The following COL19A1 variants were observed in gnomAD, a reference collection of about 807,000 sequenced individuals.
COL19A1 encodes collagen type XIX alpha 1 chain, also known as collagen alpha-1(XIX) chain.
A neutral mutation model predicts 190.2 loss-of-function variants in COL19A1; 159 were observed. That is an observed-to-expected ratio of 0.84 (90% CI 0.73 to 0.95). The LOEUF (loss-of-function observed/expected upper bound fraction) is 0.95, where lower values mean the gene tolerates loss of function less well. Among genes scored for constraint, COL19A1 ranks in the 40% least tolerant of loss-of-function variants. The pLI, the probability that COL19A1 is intolerant of heterozygous loss-of-function variation, is 0.00. For missense variants in COL19A1, 1,418 were observed against 1,431.9 expected (o/e 0.99, Z 0.16); for synonymous variants, 509 against 458.9 (o/e 1.11, Z -1.39).
rs561401490 is a variant in COL19A1, at chr6:69,922,870, C to G, written c.267-5039C>G. 1.8e-4 allele frequency among the ~76,000 whole-genome samples: 27 copies of G among 152,180 alleles called. No individual in the cohort carries two copies. In the South Asian group the frequency reaches 5.0e-3, roughly 28 times the overall value. ...TCATTTGCTGGATCACTCACTCATT[C>G]AACAGATAAAGTGCCCTGTTGGGAC... On this transcript the variant is annotated intron_variant, in intron 4 of 50. Transcript: ENST00000620364.
intron 10 of COL19A1, 21 bp from the exon 11 acceptor site, chr6:69,962,805 C>T (rs772389712): frequency 1.3e-6 from 2 of 1,571,508 alleles, no homozygotes; most frequent in Non-Finnish European, 1.7e-6. Context: ...TTACTATACA[C>T]ATCATATTCC....
At chr6:70,146,612 A>G (rs751827586) in intron 25 of COL19A1, 47 bp from the exon 26 acceptor site, 8 of 1,478,186 alleles carry the variant, frequency 5.4e-6, no homozygotes, top group African/African-American at 1.4e-5. Context: ...TAATGTGTTT[A>G]TAACTTTTCT....
intron 11 of COL19A1, among the ~76,000 whole-genome samples, chr6:70,006,079 A>G (rs1777604224): frequency 6.6e-6 from 1 of 152,054 alleles, no homozygotes; most frequent in South Asian, 2.1e-4. Flanking sequence ...TCCCCCACCC[A>G]AGGAACTTAG....
chr6:70,063,215 G>T (rs534211282), intron 14 of COL19A1, among the ~76,000 whole-genome samples: 1 of 151,948 alleles, frequency 6.6e-6, no homozygotes, highest in Non-Finnish European at 1.5e-5. Flanking sequence ...TTCCAAAATT[G>T]ACCACATAGT....
chr6:69,982,023 C>T (rs1776060959), intron 11 of COL19A1, among the ~76,000 whole-genome samples: 1 of 151,854 alleles, frequency 6.6e-6, no homozygotes, highest in Non-Finnish European at 1.5e-5. Context: ...AACATAATGC[C>T]AGGATTGTTG....
At position 69,921,868 on chromosome 6, in the gene COL19A1, T is replaced by G. The variant is rs918006115; in HGVS notation, c.267-6041T>G. On this transcript the variant is annotated intron_variant, in intron 4 of 50. Coordinates refer to ENST00000620364, the MANE Select transcript of COL19A1 (RefSeq NM_001858.6). ...CGTATATATATTTATATGAATGAACTTAGCAAGTAAGGATCAGCGATATTT... is the reference window on the plus strand; with the variant it reads ...CGTATATATATTTATATGAATGAACGTAGCAAGTAAGGATCAGCGATATTT... Among the ~76,000 whole-genome samples, 13 of 151,924 alleles carry G rather than the reference T, an allele frequency of 8.6e-5. 1 individual carries two copies. The highest frequency in any genetic ancestry group is 1.9e-4 in the Non-Finnish European group (13 of 67,934).
At chr6:70,060,123 T>G (rs1411312892) in intron 14 of COL19A1, among the ~76,000 whole-genome samples, 1 of 152,156 alleles carries the variant, frequency 6.6e-6, no homozygotes, top group Non-Finnish European at 1.5e-5. Flanking sequence ...ATTTTTCTCA[T>G]AGACATCAGA....
chr6:69,973,849 C>CA (rs1183553776), intron 11 of COL19A1: 3 of 152,162 alleles, frequency 2.0e-5, no homozygotes, highest in African/African-American at 7.2e-5. Context: ...GAGCTACCGG[C>CA]ATGTGAACTT....
intron 9 of COL19A1, among the ~76,000 whole-genome samples, chr6:69,949,598 C>T (rs1017956770): frequency 6.6e-6 from 1 of 151,640 alleles, no homozygotes; most frequent in Admixed American, 6.6e-5. Context: ...TGTTATTTTA[C>T]AAGAAAAATG....
intron 4 of COL19A1, among the ~76,000 whole-genome samples, chr6:69,923,557 T>G (rs1772142713): frequency 6.6e-6 from 1 of 152,164 alleles, no homozygotes; most frequent in Non-Finnish European, 1.5e-5. Flanking sequence ...TGTTTAATAT[T>G]GCAGCTGCCT....
chr6:70,101,573 G>A (rs1442841496), intron 15 of COL19A1, among the ~76,000 whole-genome samples: 1 of 152,094 alleles, frequency 6.6e-6, no homozygotes, highest in Non-Finnish European at 1.5e-5. Flanking sequence ...GAGCTAATGT[G>A]CTTCATTCAG....
chr6:70,042,674 G>T (rs1283568968), intron 14 of COL19A1, among the ~76,000 whole-genome samples: 2 of 152,150 alleles, frequency 1.3e-5, no homozygotes, highest in African/African-American at 4.8e-5. Context: ...AGCATGTGAT[G>T]CTGTTTAGTA....
intron 12 of COL19A1, among the ~76,000 whole-genome samples, chr6:70,031,110 A>G (rs1582729068): frequency 6.6e-6 from 1 of 151,878 alleles, no homozygotes; most frequent in East Asian, 1.9e-4. Context: ...ATGTACCATG[A>G]CCCCTGGCAA....
At chr6:70,205,845 G>T (rs1767816107) in intron 49 of COL19A1, among the ~76,000 whole-genome samples, 1 of 152,152 alleles carries the variant, frequency 6.6e-6, no homozygotes, top group Admixed American at 6.5e-5. Flanking sequence ...ACAGATCTTA[G>T]ACCTAATTCA....
chr6:69,888,552 A>T (rs1769103319), intron 2 of COL19A1, among the ~76,000 whole-genome samples: 1 of 152,052 alleles, frequency 6.6e-6, no homozygotes, highest in African/African-American at 2.4e-5. Context: ...TCACTTTGGG[A>T]GGCTGAGATG....
At chr6:70,194,726 T>C (rs1438917564) in intron 48 of COL19A1, among the ~76,000 whole-genome samples, 1 of 152,112 alleles carries the variant, frequency 6.6e-6, no homozygotes, top group African/African-American at 2.4e-5. Flanking sequence ...CTATTATGCT[T>C]GGGAATTTAC....
At chr6:69,939,976 C>T (rs1359980991) in intron 9 of COL19A1, among the ~76,000 whole-genome samples, 1 of 151,852 alleles carries the variant, frequency 6.6e-6, no homozygotes, top group Non-Finnish European at 1.5e-5. Flanking sequence ...CTTAACTTGT[C>T]TTTTCACTTC....
intron 49 of COL19A1, among the ~76,000 whole-genome samples, chr6:70,205,168 C>T (rs1003996487): frequency 3.9e-5 from 6 of 152,112 alleles, no homozygotes; most frequent in Non-Finnish European, 7.4e-5. Flanking sequence ...CTATATACTT[C>T]AAAATATTTT....
At chr6:70,103,271 C>T (rs1014737732) in intron 16 of COL19A1, among the ~76,000 whole-genome samples, 3 of 152,130 alleles carry the variant, frequency 2.0e-5, no homozygotes, top group Admixed American at 6.6e-5. Flanking sequence ...AAATCCTCTC[C>T]GTCTTCACTG....
Sources: gnomAD v4.1 joint callset for allele counts (sites outside exome capture counted in the v4.1 genomes callset) on GRCh38, gnomAD v4.1.1 for gene constraint, MANE v1.5 for transcripts, NCBI Gene and HGNC (gene_info 2026-07-23, HGNC 2026-07-21) for gene names.